The following CHLSN variants were observed in gnomAD, a reference collection of about 807,000 sequenced individuals.
CHLSN encodes the protein cholesin.
chr7:1,035,329 C>T, the CHLSN span, among the ~76,000 whole-genome samples: 17 of 152,346 alleles, frequency 1.1e-4, no homozygotes, highest in East Asian at 1.9e-4. Flanking sequence ...TGCACATTTG[C>T]ATGCATGCAT....
the CHLSN span, among the ~76,000 whole-genome samples, chr7:1,053,603 G>A: frequency 1.5e-4 from 23 of 152,188 alleles, no homozygotes; most frequent in African/African-American, 2.7e-4. Context: ...CGAGGTGGGC[G>A]GATCACCTGA....
the CHLSN span, chr7:1,058,609 A>G: frequency 1.6e-6 from 1 of 637,142 alleles, no homozygotes; most frequent in Non-Finnish European, 2.9e-6. Context: ...GAAGGAGACG[A>G]GCTGCTGGAA....
the CHLSN span, among the ~76,000 whole-genome samples, chr7:999,866 G>A: frequency 1.2e-3 from 179 of 152,352 alleles, no homozygotes; most frequent in African/African-American, 3.8e-3. Flanking sequence ...CCAGCCCGCC[G>A]CCCAGCAGCC....
chr7:985,076 C>T, the CHLSN span: 10 of 1,612,432 alleles, frequency 6.2e-6, no homozygotes, highest in Non-Finnish European at 8.5e-6. Context: ...AAATGCCTCT[C>T]TGGGCAGCTG....
At chr7:1,007,657 C>T in the CHLSN span, among the ~76,000 whole-genome samples, 3,428 of 152,220 alleles carry the variant, frequency 0.023, 128 homozygotes, top group East Asian at 0.19. Context: ...GGAAGAAGCT[C>T]CTGTGGGAAG....
chr7:1,122,884 A>C, the CHLSN span, among the ~76,000 whole-genome samples: 46 of 152,304 alleles, frequency 3.0e-4, 1 homozygote, highest in South Asian at 4.8e-3. Flanking sequence ...AGAGCTGAGG[A>C]GGACAGAAGC....
the CHLSN span, among the ~76,000 whole-genome samples, chr7:1,073,482 T>C: frequency 6.6e-6 from 1 of 152,084 alleles, no homozygotes; most frequent in Non-Finnish European, 1.5e-5. Context: ...GACCTGCTGC[T>C]CCTCAACATC....
chr7:1,107,653 C>A, the CHLSN span, among the ~76,000 whole-genome samples: 2 of 152,238 alleles, frequency 1.3e-5, no homozygotes, highest in Non-Finnish European at 2.9e-5. Flanking sequence ...GGTTCTCTCC[C>A]CACAACTGTA....
the CHLSN span, among the ~76,000 whole-genome samples, chr7:1,090,305 G>C: frequency 6.6e-6 from 1 of 152,212 alleles, no homozygotes; most frequent in African/African-American, 2.4e-5. Context: ...CATCCCCAGA[G>C]ACTGCCAGTG....
At chr7:1,110,364 G>C in the CHLSN span, among the ~76,000 whole-genome samples, 1 of 152,084 alleles carries the variant, frequency 6.6e-6, no homozygotes, top group African/African-American at 2.4e-5. Context: ...GTGCGGCTCC[G>C]AGAGGAAAAG....
At chr7:1,077,848 G>A in the CHLSN span, 1 of 152,226 alleles carries the variant, frequency 6.6e-6, no homozygotes, top group Non-Finnish European at 1.5e-5. Context: ...TGCCACGGCT[G>A]GCCTTGGGCA....
At chr7:1,028,247 C>T in the CHLSN span, 26 of 1,095,990 alleles carry the variant, frequency 2.4e-5, no homozygotes, top group Non-Finnish European at 2.8e-5. Flanking sequence ...GCCCTGGCCC[C>T]GCGCACTGAC....
the CHLSN span, chr7:1,028,335 C>G: frequency 9.8e-7 from 1 of 1,022,826 alleles, no homozygotes; most frequent in East Asian, 1.1e-4. Context: ...ACCGCCCGGC[C>G]CGCGCCTCCA....
At chr7:987,350 G>A in the CHLSN span, 7 of 1,576,170 alleles carry the variant, frequency 4.4e-6, no homozygotes, top group East Asian at 2.3e-5. Context: ...GCCCCAGGCC[G>A]GGTGCAGGAG....
chr7:1,086,617 T>C, the CHLSN span, among the ~76,000 whole-genome samples: 1 of 152,150 alleles, frequency 6.6e-6, no homozygotes, highest in African/African-American at 2.4e-5. Flanking sequence ...AGGGGCCGAG[T>C]GCCCCTGGAG....
At chr7:1,098,014 G>C in the CHLSN span, among the ~76,000 whole-genome samples, 4 of 152,160 alleles carry the variant, frequency 2.6e-5, no homozygotes. Context: ...TCTACCAGAA[G>C]GAAAAGAGCG....
chr7:1,083,261 G>A, the CHLSN span, among the ~76,000 whole-genome samples: 1 of 152,236 alleles, frequency 6.6e-6, no homozygotes, highest in Non-Finnish European at 1.5e-5. Flanking sequence ...CTGGAGTCAC[G>A]CCCAGGGGCT....
At chr7:986,519 C>A in the CHLSN span, 1 of 1,360,396 alleles carries the variant, frequency 7.4e-7, no homozygotes, top group Non-Finnish European at 1.0e-6. Context: ...CACATCCACC[C>A]AGAGTCCCTG....
the CHLSN span, among the ~76,000 whole-genome samples, chr7:1,100,091 G>C: frequency 6.6e-6 from 1 of 152,230 alleles, no homozygotes; most frequent in Non-Finnish European, 1.5e-5. Context: ...CCTGTGTTCT[G>C]GGTTACATGA....
Sources: gnomAD v4.1 joint callset for allele counts (sites outside exome capture counted in the v4.1 genomes callset) on GRCh38, gnomAD v4.1.1 for gene constraint, MANE v1.5 for transcripts, NCBI Gene and HGNC (gene_info 2026-07-23, HGNC 2026-07-21) for gene names.